The following MAGI2 variants were observed in gnomAD, a reference collection of about 807,000 sequenced individuals.
The protein encoded by MAGI2 is membrane-associated guanylate kinase, WW and PDZ domain-containing protein 2.
In MAGI2, 35 loss-of-function variants were observed where a neutral mutation model predicts 133.3. That is an observed-to-expected ratio of 0.26 (90% CI 0.20 to 0.35). The LOEUF (loss-of-function observed/expected upper bound fraction) is 0.35. Among genes scored for constraint, MAGI2 ranks in the 10% least tolerant of loss-of-function variants. MAGI2 has a pLI of 1.00. For synonymous variants in MAGI2, 729 were observed against 710.6 expected (o/e 1.03, Z -0.41); for missense variants, 1,636 against 1,863.4 (o/e 0.88, Z 2.25).
At chr7:78,606,533 A>G (rs1805832725) in intron 3 of MAGI2, among the ~76,000 whole-genome samples, 1 of 152,162 alleles carries the variant, frequency 6.6e-6, no homozygotes, top group South Asian at 2.1e-4. Flanking sequence ...CAGTGTCTGC[A>G]CTATTTTTTC....
intron 6 of MAGI2, among the ~76,000 whole-genome samples, chr7:78,441,763 C>T (rs1236233511): frequency 6.6e-6 from 1 of 152,128 alleles, no homozygotes. Context: ...AAATGAAATA[C>T]AGAGGTCTGG....
At chr7:79,101,260 C>T (rs1817942154) in intron 1 of MAGI2, among the ~76,000 whole-genome samples, 4 of 151,984 alleles carry the variant, frequency 2.6e-5, no homozygotes, top group Admixed American at 2.0e-4. Flanking sequence ...ACTTATCCTA[C>T]CTGATTTACA....
At chr7:79,371,668 T>C (rs190866728) in intron 1 of MAGI2, among the ~76,000 whole-genome samples, 18 of 152,244 alleles carry the variant, frequency 1.2e-4, no homozygotes, top group African/African-American at 4.3e-4. Context: ...GTAAGTACAT[T>C]CTATGATGTT....
rs181041312 is a variant in MAGI2, at chr7:78,881,554, G to C, written c.418+125536C>G. Among the ~76,000 whole-genome samples, 13 of 152,114 alleles carry C rather than the reference G, an allele frequency of 8.5e-5. No homozygotes were observed. In the East Asian group the frequency reaches 2.5e-3, roughly 30 times the overall value. On this transcript the variant is annotated intron_variant, in intron 2 of 21. Coordinates refer to ENST00000354212, the MANE Select transcript of MAGI2 (RefSeq NM_012301.4). ...TAACAAACCTGCACATTGTGAACATGTACCCTAGAACTTAAAGTATAATTT... is the reference window on the plus strand; with the variant it reads ...TAACAAACCTGCACATTGTGAACATCTACCCTAGAACTTAAAGTATAATTT...
chr7:78,566,170 C>T (rs1403516369), intron 3 of MAGI2, among the ~76,000 whole-genome samples: 2 of 152,060 alleles, frequency 1.3e-5, no homozygotes, highest in Non-Finnish European at 2.9e-5. Context: ...CTCACAGAAC[C>T]ATGTGAGCAA....
chr7:78,072,656 G>T (rs1814834438), intron 21 of MAGI2: 1 of 361,264 alleles, frequency 2.8e-6, no homozygotes, highest in Non-Finnish European at 4.9e-6. Context: ...GATTATAATG[G>T]CATACTTATA....
At chr7:78,445,048 C>A (rs1446642390) in intron 6 of MAGI2, among the ~76,000 whole-genome samples, 2 of 151,692 alleles carry the variant, frequency 1.3e-5, no homozygotes, top group Non-Finnish European at 2.9e-5. Flanking sequence ...GCAAGAAGAT[C>A]TCCTTGGGTG....
chr7:79,014,453 A>G (rs182506867), intron 1 of MAGI2, among the ~76,000 whole-genome samples: 64 of 152,270 alleles, frequency 4.2e-4, no homozygotes, highest in African/African-American at 1.5e-3. Flanking sequence ...TTAATAATGT[A>G]CCAATGGCTA....
chr7:78,562,927 A>G (rs948451035), intron 3 of MAGI2, among the ~76,000 whole-genome samples: 2 of 151,310 alleles, frequency 1.3e-5, no homozygotes, highest in African/African-American at 4.9e-5. Flanking sequence ...TGAAGGCCCC[A>G]TAATTATGTA....
chr7:78,882,820 G>A (rs906327706), intron 2 of MAGI2, among the ~76,000 whole-genome samples: 1 of 152,028 alleles, frequency 6.6e-6, no homozygotes, highest in East Asian at 1.9e-4. Flanking sequence ...CTTCATGATA[G>A]ACACCCTCAA....
chr7:79,427,353 T>C (rs1847452182), intron 1 of MAGI2, among the ~76,000 whole-genome samples: 1 of 152,158 alleles, frequency 6.6e-6, no homozygotes, highest in African/African-American at 2.4e-5. Context: ...ATTCTGCACA[T>C]GTATCTCAGA....
Position 78,132,891 on chromosome 7 carries a change from A to C in MAGI2, c.3201T>G (p.Asn1067Lys). The C allele has an allele frequency of 6.2e-7, 1 of 1,613,330 alleles. No individual in the cohort carries two copies. The highest frequency in any genetic ancestry group is 2.2e-5 in the East Asian group (1 of 44,814). Reference sequence around the variant, plus strand: ...ACAAAAGTCAGAGGAAATTTTACCTATTTTCGTGTCCTTGCAGCTGAAGTG... The same window carrying C: ...ACAAAAGTCAGAGGAAATTTTACCTCTTTTCGTGTCCTTGCAGCTGAAGTG... ...PQPLQLQGHE[N>K]SYRSEVKARQ... Residue 1067 changes from asparagine (N) to lysine (K), a missense_variant and splice_region_variant, in exon 18 of 22, where the codon AAT becomes AAG. Asn to Lys is a moderately conservative substitution (Grantham distance 94). This residue lies in a region of MAGI2 where 920 missense variants were observed against 1,093.5 expected (regional missense o/e 0.84). Coordinates refer to ENST00000354212, the MANE Select transcript of MAGI2 (RefSeq NM_012301.4).
At position 78,768,817 on chromosome 7, in the gene MAGI2, C is replaced by T. The variant is rs533685923; in HGVS notation, c.419-141578G>A. On this transcript the variant is annotated intron_variant, in intron 2 of 21. Coordinates refer to ENST00000354212, the MANE Select transcript of MAGI2 (RefSeq NM_012301.4). ...GCACTATTTTGCATCCTCATGCTCC[C>T]CTCTCTAGTGGATAGTGCCTCAACA... 2.1e-4 allele frequency among the ~76,000 whole-genome samples: 32 copies of T among 152,256 alleles called. No individual in the cohort carries two copies. The South Asian group carries it at 6.2e-3, about 30-fold the overall frequency.
At chr7:78,233,147 A>G (rs747469699) in intron 10 of MAGI2, among the ~76,000 whole-genome samples, 13 of 152,192 alleles carry the variant, frequency 8.5e-5, no homozygotes, top group Non-Finnish European at 1.3e-4. Flanking sequence ...AGATGGGGAA[A>G]TAAAATTGTA....
chr7:78,019,645 C>G lies in MAGI2; in HGVS notation c.4038G>C (p.Glu1346Asp). ...GRPEAGRPAS[E>D]ARAPGLAAAD... The stretch of plus-strand genomic sequence containing the variant: ...CCGCCGCGAGCCCGGGCGCCCTGGC[C>G]TCCGAGGCGGGCCTGCCGGCCTCGG... The change falls in exon 22 of 22, where the codon GAG (glutamate) becomes GAC (aspartate). Residue 1346 changes from glutamate to aspartate, a missense_variant. Around this residue, in one of 5 missense-constraint regions of MAGI2, gnomAD observed 354 missense variants for 298.7 expected, o/e 1.19. Transcript: ENST00000354212. 1 of 1,107,586 alleles carries G rather than the reference C, an allele frequency of 9.0e-7. No homozygotes were observed. The highest frequency in any genetic ancestry group is 1.1e-6 in the Non-Finnish European group (1 of 911,488). 68.6% of individuals were successfully genotyped at this position (1,107,586 alleles called of 1,614,324 possible). A position where few individuals can be genotyped will look rare whatever the true frequency, so the allele number is the denominator to read the frequency against.
chr7:78,871,033 G>A (rs931904969), intron 2 of MAGI2, among the ~76,000 whole-genome samples: 14 of 152,128 alleles, frequency 9.2e-5, no homozygotes, highest in Admixed American at 2.0e-4. Context: ...CTAATGGGCC[G>A]GGAGCAGTGG....
intron 2 of MAGI2, among the ~76,000 whole-genome samples, chr7:78,938,994 G>C (rs1026974276): frequency 1.3e-5 from 2 of 151,938 alleles, no homozygotes; most frequent in Non-Finnish European, 2.9e-5. Flanking sequence ...ACATATAATC[G>C]TTATTTTATT....
intron 1 of MAGI2, among the ~76,000 whole-genome samples, chr7:79,448,705 A>C (rs1849028839): frequency 6.6e-6 from 1 of 152,146 alleles, no homozygotes; most frequent in South Asian, 2.1e-4. Flanking sequence ...AAAGTCATTA[A>C]TTAAACTATA....
intron 2 of MAGI2, among the ~76,000 whole-genome samples, chr7:78,666,096 G>A (rs573474123): frequency 1.3e-5 from 2 of 152,224 alleles, no homozygotes; most frequent in African/African-American, 2.4e-5. Flanking sequence ...TACTGCTTAT[G>A]TAACTTTTGC....
Sources: allele counts gnomAD v4.1 joint callset (sites outside exome capture counted in the v4.1 genomes callset), GRCh38; gene constraint gnomAD v4.1.1; regional missense constraint gnomAD v4.1.1; transcripts MANE v1.5; gene names NCBI Gene and HGNC (gene_info 2026-07-23, HGNC 2026-07-21).